Variants in HS6ST3 observed in about 807,000 individuals in gnomAD.
The protein encoded by HS6ST3 is heparan sulfate 6-O-sulfotransferase 3, also known as heparan-sulfate 6-O-sulfotransferase 3.
Under a neutral mutation model 36.7 loss-of-function variants are expected in HS6ST3, and 12 were observed. The ratio of observed to expected loss-of-function variants is 0.33; its 90% CI spans 0.21 to 0.53. The LOEUF is 0.53. HS6ST3 is among the 20% of genes least tolerant of loss of function. The probability of loss-of-function intolerance (pLI) is 0.95; values close to 1 mark genes in which losing one functional copy is unlikely to be tolerated. For synonymous variants in HS6ST3, 240 were observed against 257.5 expected (o/e 0.93, Z 0.65); for missense variants, 584 against 640.9 (o/e 0.91, Z 0.96).
intron 1 of HS6ST3, among the ~76,000 whole-genome samples, chr13:96,792,163 A>G (rs1426639987): frequency 6.6e-6 from 1 of 151,992 alleles, no homozygotes; most frequent in African/African-American, 2.4e-5. Flanking sequence ...GGACAAGGAG[A>G]TTGTTTTCTG....
In HS6ST3 at chr13:96,835,239, A is replaced by G. The variant is rs75004675; in HGVS notation, c.*2041A>G. 8,400 of 152,322 alleles carry G rather than the reference A, an allele frequency of 0.055. 265 individuals are homozygous for G. Among genetic ancestry groups the G allele is most frequent in the Middle Eastern group, 0.12 (34 of 294 alleles). 9.4% of individuals were successfully genotyped at this position (152,322 alleles called of 1,614,324 possible). A position where few individuals can be genotyped will look rare whatever the true frequency, so the allele number is the denominator to read the frequency against. ...CCCATGTGGGTAGCCCGACCATGAC[A>G]GCACCACGCTAACAGTGACCCAGAG... On this transcript the variant is annotated 3_prime_UTR_variant, in exon 2 of 2. Coordinates refer to ENST00000376705, the MANE Select transcript of HS6ST3 (RefSeq NM_153456.4).
intron 1 of HS6ST3, among the ~76,000 whole-genome samples, chr13:96,283,336 A>G (rs931258244): frequency 1.3e-5 from 2 of 152,162 alleles, no homozygotes; most frequent in African/African-American, 4.8e-5. Context: ...ATCCCAGCAA[A>G]AGCTGTTATT....
intron 1 of HS6ST3, among the ~76,000 whole-genome samples, chr13:96,443,063 A>G (rs2055680916): frequency 6.6e-6 from 1 of 152,146 alleles, no homozygotes; most frequent in African/African-American, 2.4e-5. Flanking sequence ...AGAAAACATC[A>G]TTTAAAATAG....
At chr13:96,421,560 C>T (rs1339003556) in intron 1 of HS6ST3, among the ~76,000 whole-genome samples, 1 of 152,116 alleles carries the variant, frequency 6.6e-6, no homozygotes, top group Non-Finnish European at 1.5e-5. Flanking sequence ...ATGTAGTCAC[C>T]TGAATGTGCC....
chr13:96,291,433 A>G (rs895350054), intron 1 of HS6ST3, among the ~76,000 whole-genome samples: 2 of 152,174 alleles, frequency 1.3e-5, no homozygotes, highest in Admixed American at 1.3e-4. Flanking sequence ...TTGGGAAAGG[A>G]TAGGAACTGC....
At chr13:96,735,958 A>G (rs1019894151) in intron 1 of HS6ST3, among the ~76,000 whole-genome samples, 3 of 152,174 alleles carry the variant, frequency 2.0e-5, no homozygotes, top group Non-Finnish European at 4.4e-5. Context: ...TCAGGAAACT[A>G]ACATAGGAAC....
chr13:96,111,288 T>G (rs2053867390), intron 1 of HS6ST3, among the ~76,000 whole-genome samples: 1 of 152,182 alleles, frequency 6.6e-6, no homozygotes, highest in African/African-American at 2.4e-5. Flanking sequence ...AATGTGCATA[T>G]TAAGGCACAT....
At chr13:96,497,161 C>G (rs1487260917) in intron 1 of HS6ST3, among the ~76,000 whole-genome samples, 1 of 152,080 alleles carries the variant, frequency 6.6e-6, no homozygotes, top group Non-Finnish European at 1.5e-5. Flanking sequence ...ATCTGGGAAA[C>G]ACATCAGAGG....
In HS6ST3 at chr13:96,687,090, CTT is replaced by C. The variant is rs68182332; in HGVS notation, c.708-145386_708-145385del. ...ATATATACTGAAAAAGCAAGAAGTG[CTT>C]TTTTTTTTTTTTTACAAATATGGTG... On this transcript the variant is annotated intron_variant, in intron 1 of 1. Coordinates refer to ENST00000376705, the MANE Select transcript of HS6ST3 (RefSeq NM_153456.4). Among the ~76,000 whole-genome samples, 518 of 148,836 alleles carry C rather than the reference CTT, an allele frequency of 3.5e-3. 3 individuals carry two copies. The highest frequency in any genetic ancestry group is 0.013 in the East Asian group (66 of 5,108).
chr13:96,398,862 A>G (rs4771943), intron 1 of HS6ST3, among the ~76,000 whole-genome samples: 77,150 of 152,126 alleles, frequency 0.51, 19,912 homozygotes, highest in Middle Eastern at 0.6. Flanking sequence ...GGACAGTTCT[A>G]GGAGCTGAGG....
intron 1 of HS6ST3, among the ~76,000 whole-genome samples, chr13:96,596,073 A>T (rs2056400369): frequency 6.6e-6 from 1 of 152,128 alleles, no homozygotes; most frequent in African/African-American, 2.4e-5. Flanking sequence ...CTCAACAGGT[A>T]ATTTTTCATC....
intron 1 of HS6ST3, among the ~76,000 whole-genome samples, chr13:96,167,649 A>G (rs1566898034): frequency 6.6e-6 from 1 of 152,216 alleles, no homozygotes; most frequent in East Asian, 1.9e-4. Context: ...TTATTAGACA[A>G]TCTTTACTAT....
intron 1 of HS6ST3, among the ~76,000 whole-genome samples, chr13:96,344,050 A>G (rs1242161521): frequency 1.3e-5 from 2 of 152,092 alleles, no homozygotes; most frequent in Non-Finnish European, 2.9e-5. Context: ...CCTCGTTATT[A>G]CAGTATCTTT....
intron 1 of HS6ST3, among the ~76,000 whole-genome samples, chr13:96,558,360 G>A (rs2138953385): frequency 6.6e-6 from 1 of 152,244 alleles, no homozygotes; most frequent in East Asian, 1.9e-4. Context: ...TCTCTCAAAT[G>A]CAAGTATATA....
intron 1 of HS6ST3, among the ~76,000 whole-genome samples, chr13:96,098,333 A>G (rs1243019011): frequency 1.3e-5 from 2 of 152,246 alleles, no homozygotes; most frequent in Non-Finnish European, 2.9e-5. Flanking sequence ...TATAGATGCT[A>G]GATTACTACT....
At chr13:96,263,311 G>A (rs1039499500) in intron 1 of HS6ST3, among the ~76,000 whole-genome samples, 2 of 152,116 alleles carry the variant, frequency 1.3e-5, no homozygotes, top group South Asian at 4.1e-4. Flanking sequence ...GACTCCCTAA[G>A]TTCTACTCTT....
At chr13:96,380,113 C>A (rs1477870328) in intron 1 of HS6ST3, among the ~76,000 whole-genome samples, 1 of 152,170 alleles carries the variant, frequency 6.6e-6, no homozygotes, top group African/African-American at 2.4e-5. Context: ...TAAATATTTT[C>A]AGCAAGCAGC....
At chr13:96,816,050 A>G (rs1007317626) in intron 1 of HS6ST3, among the ~76,000 whole-genome samples, 1 of 152,134 alleles carries the variant, frequency 6.6e-6, no homozygotes, top group African/African-American at 2.4e-5. Flanking sequence ...AAATCCCCAG[A>G]TCGTGGCTGC....
At chr13:96,809,574 T>C (rs1045399526) in intron 1 of HS6ST3, among the ~76,000 whole-genome samples, 1 of 152,142 alleles carries the variant, frequency 6.6e-6, no homozygotes, top group Non-Finnish European at 1.5e-5. Flanking sequence ...CATGAAGAAG[T>C]AGTTCAGGTG....
Sources: gnomAD v4.1 joint callset for allele counts (sites outside exome capture counted in the v4.1 genomes callset) on GRCh38, gnomAD v4.1.1 for gene constraint, MANE v1.5 for transcripts, NCBI Gene and HGNC (gene_info 2026-07-23, HGNC 2026-07-21) for gene names.